Variants in USH2A observed in about 807,000 individuals in gnomAD.
USH2A encodes the protein usherin.
Under a neutral mutation model 538.9 loss-of-function variants are expected in USH2A, and 443 were observed. The ratio of observed to expected loss-of-function variants is 0.82; its 90% confidence interval spans 0.76 to 0.89. The LOEUF is 0.89. USH2A is among the 40% of genes least tolerant of loss of function. The probability of loss-of-function intolerance (pLI) is 0.00; values close to 1 mark genes in which losing one functional copy is unlikely to be tolerated. For missense variants in USH2A, 6,633 were observed against 6,324.8 expected (o/e 1.05, Z -1.65); for synonymous variants, 2,413 against 2,273.5 (o/e 1.06, Z -1.75).
intron 24 of USH2A, 147 bp from the exon 25 acceptor site, chr1:216,085,024 C>T: frequency 2.8e-6 from 2 of 724,172 alleles, no homozygotes; most frequent in South Asian, 1.7e-5. Context: ...ATGTAAACAC[C>T]ACACCATCAG....
chr1:215,862,516 A>G (rs1246927516), intron 44 of USH2A, among the ~76,000 whole-genome samples: 1 of 152,192 alleles, frequency 6.6e-6, no homozygotes, highest in Non-Finnish European at 1.5e-5. Context: ...TTACATATGT[A>G]ACAAACCTGC....
chr1:215,639,696 G>C (rs116153489), intron 68 of USH2A, among the ~76,000 whole-genome samples: 2,612 of 152,260 alleles, frequency 0.017, 63 homozygotes, highest in African/African-American at 0.058. Context: ...ACCCTTGCAA[G>C]GTCACACAGA....
At chr1:215,851,597 T>G (rs12063983) in intron 44 of USH2A, among the ~76,000 whole-genome samples, 1,916 of 152,246 alleles carry the variant, frequency 0.013, 50 homozygotes, top group African/African-American at 0.044. Flanking sequence ...CACAGCGGAA[T>G]TCTATCAGAT....
chr1:216,345,760 GC>G (rs2038163299), intron 4 of USH2A, among the ~76,000 whole-genome samples: 1 of 152,118 alleles, frequency 6.6e-6, no homozygotes, highest in South Asian at 2.1e-4. Context: ...AGACGGCCCA[GC>G]AAACTGGCTA....
chr1:216,092,856 C>T (rs1244821318), intron 22 of USH2A, among the ~76,000 whole-genome samples: 1 of 152,168 alleles, frequency 6.6e-6, no homozygotes, highest in Non-Finnish European at 1.5e-5. Context: ...TGTCACTTTC[C>T]TGAAAACTCA....
At chr1:216,217,748 T>C (rs1396866445) in intron 14 of USH2A, among the ~76,000 whole-genome samples, 198 bp from the exon 15 acceptor site, 1 of 152,014 alleles carries the variant, frequency 6.6e-6, no homozygotes, top group African/African-American at 2.4e-5. Flanking sequence ...AAAACTACTG[T>C]TCCTGGTAAA....
At chr1:216,304,708 G>T (rs1463136584) in intron 9 of USH2A, among the ~76,000 whole-genome samples, 2 of 151,900 alleles carry the variant, frequency 1.3e-5, no homozygotes, top group African/African-American at 2.4e-5. Flanking sequence ...TTGATAGGTT[G>T]TGTCACTATA....
chr1:216,391,852 C>T (rs189788166), intron 3 of USH2A, among the ~76,000 whole-genome samples: 1 of 152,158 alleles, frequency 6.6e-6, no homozygotes, highest in Non-Finnish European at 1.5e-5. Context: ...CTATATTGAA[C>T]CAACTTTCTA....
At chr1:216,150,681 C>T (rs916318263) in intron 21 of USH2A, among the ~76,000 whole-genome samples, 5 of 152,146 alleles carry the variant, frequency 3.3e-5, no homozygotes, top group South Asian at 2.1e-4. Flanking sequence ...AGCAAGCTGC[C>T]GCCCTCCTTC....
chr1:216,143,743 C>T (rs770529382), intron 21 of USH2A, among the ~76,000 whole-genome samples: 3 of 152,126 alleles, frequency 2.0e-5, no homozygotes, highest in Non-Finnish European at 2.9e-5. Context: ...GACCAATTAA[C>T]GTAAAATCAA....
At chr1:216,071,074 C>T (rs1453694678) in intron 29 of USH2A, among the ~76,000 whole-genome samples, 1 of 152,098 alleles carries the variant, frequency 6.6e-6, no homozygotes, top group African/African-American at 2.4e-5. Flanking sequence ...AAAACTTCAT[C>T]ACAGCTGAGT....
chr1:216,087,159 A>C (rs1201915076), intron 23 of USH2A, among the ~76,000 whole-genome samples: 1 of 152,170 alleles, frequency 6.6e-6, no homozygotes, highest in African/African-American at 2.4e-5. Flanking sequence ...GTGGCATAAC[A>C]ATGGAAATCC....
intron 4 of USH2A, among the ~76,000 whole-genome samples, chr1:216,352,947 T>C (rs909594248): frequency 3.3e-5 from 5 of 152,000 alleles, no homozygotes; most frequent in East Asian, 1.9e-4. Flanking sequence ...GAGGGAAATA[T>C]GGAATGATCA....
intron 11 of USH2A, among the ~76,000 whole-genome samples, chr1:216,287,228 A>G (rs1189119954): frequency 3.3e-5 from 5 of 152,322 alleles, no homozygotes; most frequent in South Asian, 4.1e-4. Flanking sequence ...ATGCAGAAAT[A>G]GCAGCTGACA....
intron 30 of USH2A, among the ~76,000 whole-genome samples, chr1:216,059,633 T>A (rs2031105764): frequency 6.6e-6 from 1 of 152,220 alleles, no homozygotes; most frequent in South Asian, 2.1e-4. Context: ...TGTTTGTAAC[T>A]TAAATGCATG....
intron 3 of USH2A, among the ~76,000 whole-genome samples, chr1:216,394,380 G>T (rs2039167453): frequency 6.6e-6 from 1 of 151,856 alleles, no homozygotes; most frequent in Non-Finnish European, 1.5e-5. Context: ...GGGAAGATGG[G>T]AATGACTATA....
chr1:216,126,825 G>C (rs1207912142), intron 21 of USH2A, among the ~76,000 whole-genome samples: 1 of 152,012 alleles, frequency 6.6e-6, no homozygotes, highest in East Asian at 1.9e-4. Context: ...CAATCAATGG[G>C]GATACTTAAT....
chr1:215,935,361 A>C lies in USH2A; in HGVS notation c.7121-566T>G, dbSNP rs547108513. The stretch of plus-strand genomic sequence containing the variant: ...TTTCTTTCTATCTAATGCCCTTTTA[A>C]ATTTCAATTAGTCAGAATATCTTGA... On this transcript the variant is annotated intron_variant, in intron 37 of 71. Transcript: ENST00000307340. Among the ~76,000 whole-genome samples the C allele has an allele frequency of 3.3e-5, 5 of 152,126 alleles. No individual in the cohort carries two copies. The East Asian group carries it at 9.7e-4, about 29-fold the overall frequency.
intron 21 of USH2A, among the ~76,000 whole-genome samples, chr1:216,098,057 C>T (rs535330842): frequency 6.6e-6 from 1 of 151,534 alleles, no homozygotes; most frequent in Admixed American, 6.6e-5. Context: ...ATGATGCCTT[C>T]CCCCTACCGT....
Sources: allele counts gnomAD v4.1 joint callset (sites outside exome capture counted in the v4.1 genomes callset), GRCh38; gene constraint gnomAD v4.1.1; transcripts MANE v1.5; gene names NCBI Gene and HGNC (gene_info 2026-07-23, HGNC 2026-07-21).